Variants in PLXNA2 observed in about 807,000 individuals in gnomAD.
The protein encoded by PLXNA2 is plexin A2.
In PLXNA2, 91 loss-of-function variants were observed where a neutral mutation model predicts 193.5. The ratio of observed to expected loss-of-function variants is 0.47; its 90% CI spans 0.40 to 0.56. PLXNA2 has a LOEUF of 0.56. Ranked by LOEUF, PLXNA2 falls within the 20% of genes least tolerant of loss-of-function variation. The pLI is 0.00. For missense variants in PLXNA2, 1,995 were observed against 2,503.2 expected (o/e 0.80, Z 4.33); for synonymous variants, 997 against 1,027.3 (o/e 0.97, Z 0.56).
intron 13 of PLXNA2, among the ~76,000 whole-genome samples, chr1:208,058,108 C>T (rs1418563014): frequency 6.6e-6 from 1 of 152,180 alleles, no homozygotes; most frequent in Non-Finnish European, 1.5e-5. Context: ...GCCTCGCTCC[C>T]TGGGGCGGAA....
chr1:208,127,816 A>G (rs71515128), intron 4 of PLXNA2, among the ~76,000 whole-genome samples: 81,972 of 151,730 alleles, frequency 0.54, 22,456 homozygotes, highest in African/African-American at 0.57. Context: ...AAACGGGGTG[A>G]GAAGAAGAGG....
At position 208,044,775 on chromosome 1, in the gene PLXNA2, T is replaced by G. The variant is rs770957989; in HGVS notation, c.3640-33A>C. On this transcript the variant is annotated intron_variant, in intron 19 of 31. Coordinates refer to ENST00000367033, the MANE Select transcript of PLXNA2 (RefSeq NM_025179.4). This position sits in a 1 kb window ranked among gnomAD's most constrained non-coding sequence, Gnocchi z 4.9. ...TTGTACACATACAGACGCACATGGA[T>G]GCACACAGGTGTAGAGCCCGGGCAT... is the stretch of plus-strand genomic sequence containing the variant. 3.3e-6 allele frequency: 5 copies of G among 1,533,806 alleles called. No homozygotes were observed. The highest frequency in any genetic ancestry group is 4.5e-6 in the Non-Finnish European group (5 of 1,113,634).
chr1:208,227,750 C>A (rs1241565518), intron 1 of PLXNA2, among the ~76,000 whole-genome samples: 1 of 152,074 alleles, frequency 6.6e-6, no homozygotes, highest in Non-Finnish European at 1.5e-5. Context: ...CCTTTCAGAG[C>A]AATTCCAAAT....
chr1:208,071,300 T>G (rs943558982), intron 12 of PLXNA2, among the ~76,000 whole-genome samples: 5 of 152,226 alleles, frequency 3.3e-5, no homozygotes, highest in Admixed American at 3.3e-4. Context: ...GGTTCTGCCC[T>G]GAGGAGCCCC....
At position 208,217,053 on chromosome 1, in the gene PLXNA2, G is replaced by A. The variant is rs1671155182; in HGVS notation, c.870C>T (p.Phe290=). The stretch of plus-strand genomic sequence containing the variant: ...CGAAGGGCAGGGACACGTATGAGTG[G>A]AACTTGGGGTCATCCTTGCAGAGCC... ...IVRLCKDDPK[F]HSYVSLPFGC... Residue 290 remains phenylalanine, a synonymous_variant, in exon 2 of 32, where the codon TTC becomes TTT. Transcript: ENST00000367033. The surrounding 1 kb of genome is among the most constrained non-coding windows in gnomAD (Gnocchi z 4.7). The A allele has an allele frequency of 6.2e-6, 10 of 1,613,400 alleles. No homozygotes were observed. Among genetic ancestry groups the A allele is most frequent in the Non-Finnish European group, 8.5e-6 (10 of 1,179,452 alleles).
chr1:208,130,024 G>A (rs1333799333), intron 4 of PLXNA2, among the ~76,000 whole-genome samples: 7 of 152,172 alleles, frequency 4.6e-5, no homozygotes. Context: ...ACCAACAGCT[G>A]ATGACACAGT....
intron 3 of PLXNA2, among the ~76,000 whole-genome samples, chr1:208,151,328 T>G (rs538150048): frequency 3.3e-5 from 5 of 152,310 alleles, no homozygotes; most frequent in East Asian, 1.9e-4. Flanking sequence ...GCACACAGGT[T>G]CCTTTCCTGG....
intron 17 of PLXNA2, among the ~76,000 whole-genome samples, chr1:208,049,904 A>C (rs1267967232): frequency 1.3e-5 from 2 of 152,216 alleles, no homozygotes; most frequent in African/African-American, 4.8e-5. Context: ...CCTGAAGGTC[A>C]AAGCAGTAAT....
Position 208,169,770 on chromosome 1 carries a change from T to C in PLXNA2, c.1372-27307A>G, listed in dbSNP as rs114935417. ...AGGGAACCTGGATTCTAGCCCCGAT[T>C]ATGGTGCAAATCAAGTATAGCCTTG... is the stretch of plus-strand genomic sequence containing the variant. On this transcript the variant is annotated intron_variant, in intron 3 of 31. Coordinates refer to ENST00000367033, the MANE Select transcript of PLXNA2 (RefSeq NM_025179.4). 3.0e-3 allele frequency among the ~76,000 whole-genome samples: 452 copies of C among 152,248 alleles called. 1 individual carries two copies. Among genetic ancestry groups the C allele is most frequent in the African/African-American group, 0.01 (425 of 41,514 alleles).
chr1:208,078,669 T>A (rs1235653216), intron 12 of PLXNA2, among the ~76,000 whole-genome samples: 4 of 152,188 alleles, frequency 2.6e-5, no homozygotes. Flanking sequence ...GCAATTGCAT[T>A]TTCATCCACA....
intron 12 of PLXNA2, among the ~76,000 whole-genome samples, chr1:208,075,993 G>T (rs1377955220): frequency 1.3e-5 from 2 of 151,514 alleles, no homozygotes; most frequent in African/African-American, 2.4e-5. Context: ...AGGAGGTGGA[G>T]GTTGCAGTGA....
intron 9 of PLXNA2, among the ~76,000 whole-genome samples, chr1:208,092,183 TC>T: frequency 6.6e-6 from 1 of 152,378 alleles, no homozygotes; most frequent in East Asian, 1.9e-4. Flanking sequence ...ATTTGATATT[TC>T]ACTGTGTTAA....
chr1:208,100,193 A>G (rs1395605016), intron 5 of PLXNA2, among the ~76,000 whole-genome samples: 2 of 151,992 alleles, frequency 1.3e-5, no homozygotes, highest in African/African-American at 4.8e-5. Context: ...TGGGCAACAT[A>G]GTGGGACCCC....
chr1:208,168,107 A>G (rs917457060), intron 3 of PLXNA2, among the ~76,000 whole-genome samples: 1 of 152,230 alleles, frequency 6.6e-6, no homozygotes, highest in African/African-American at 2.4e-5. Flanking sequence ...GCAAGCTTCT[A>G]GGGCTTTCAT....
Position 208,118,840 on chromosome 1 carries a change from G to A in PLXNA2, c.1507-15593C>T, listed in dbSNP as rs147405092. Among the ~76,000 whole-genome samples the A allele has an allele frequency of 2.3e-3, 344 of 152,038 alleles. 2 individuals are homozygous for A. Among genetic ancestry groups the A allele is most frequent in the African/African-American group, 7.7e-3 (321 of 41,470 alleles). ...GTCTCTATTTTATTTGGTGCATGCCGGGTCCGGTGGAAAAAAAGCGGAATT... is the reference window on the plus strand; with the variant it reads ...GTCTCTATTTTATTTGGTGCATGCCAGGTCCGGTGGAAAAAAAGCGGAATT... On this transcript the variant is annotated intron_variant, in intron 4 of 31. Coordinates refer to ENST00000367033, the MANE Select transcript of PLXNA2 (RefSeq NM_025179.4).
chr1:208,104,901 C>T (rs57713631), intron 4 of PLXNA2, among the ~76,000 whole-genome samples: 8,773 of 152,138 alleles, frequency 0.058, 377 homozygotes, highest in East Asian at 0.17. Context: ...AAGTTTAAGA[C>T]GGGGGATAGC....
In PLXNA2 at chr1:208,216,817, T is replaced by C. The variant is rs4844658; in HGVS notation, c.1106A>G (p.Glu369Gly). 275,349 of 1,613,856 alleles carry C rather than the reference T, an allele frequency of 0.17. 25,512 individuals carry two copies. The highest frequency in any genetic ancestry group is 0.2 in the Middle Eastern group (1,226 of 6,062). ...GCCCTGGTAGCAGGACTGCAGGCGC[T>C]CCTTGATCTGCAAGTTGATGGCCCG... ...PIRAINLQIK[E>G]RLQSCYQGEG... is the part of the protein sequence containing the mutation. Residue 369 changes from glutamate (E) to glycine (G), a missense_variant, in exon 2 of 32, where the codon GAG becomes GGG. By Grantham distance (98) the Glu-to-Gly change is moderately conservative (BLOSUM62 -2). This residue lies in a region of PLXNA2 where 702 missense variants were observed against 812.9 expected (regional missense o/e 0.86). Coordinates refer to ENST00000367033, the MANE Select transcript of PLXNA2 (RefSeq NM_025179.4).
At chr1:208,100,359 GA>G (rs920665946) in intron 5 of PLXNA2, among the ~76,000 whole-genome samples, 172 of 147,502 alleles carry the variant, frequency 1.2e-3, no homozygotes, top group African/African-American at 3.5e-3. Flanking sequence ...TTATCTCAAA[GA>G]AAAAAAAAAG....
At chr1:208,193,874 G>C (rs1335703309) in intron 3 of PLXNA2, among the ~76,000 whole-genome samples, 1 of 152,052 alleles carries the variant, frequency 6.6e-6, no homozygotes, top group East Asian at 1.9e-4. Flanking sequence ...TGCAGCTGGG[G>C]TGACAGAGTG....
Sources: allele counts gnomAD v4.1 joint callset (sites outside exome capture counted in the v4.1 genomes callset), GRCh38; gene constraint gnomAD v4.1.1; regional missense constraint gnomAD v4.1.1; non-coding constraint Gnocchi (gnomAD v3.1); transcripts MANE v1.5; gene names NCBI Gene and HGNC (gene_info 2026-07-23, HGNC 2026-07-21).